Variants in RANBP9 observed in about 807,000 individuals in gnomAD.
RANBP9 encodes the protein ran-binding protein 9.
Under a neutral mutation model 84.3 loss-of-function variants are expected in RANBP9, and 15 were observed. The ratio of observed to expected loss-of-function variants is 0.18; its 90% CI spans 0.12 to 0.27. The LOEUF is 0.27. RANBP9 is among the 10% of genes least tolerant of loss of function. The pLI is 1.00. For missense variants in RANBP9, 809 were observed against 912.8 expected, an observed-to-expected ratio of 0.89 and a Z score of 1.46; for synonymous variants, 392 against 349.6, an observed-to-expected ratio of 1.12 and a Z score of -1.35.
intron 2 of RANBP9, among the ~76,000 whole-genome samples, chr6:13,662,308 A>G (rs1283494501): frequency 6.6e-6 from 1 of 152,278 alleles, no homozygotes; most frequent in Non-Finnish European, 1.5e-5. Context: ...TGGCCCTGAG[A>G]CAATCCAGAT....
intron 5 of RANBP9, among the ~76,000 whole-genome samples, chr6:13,649,481 A>AAG (rs1338963832): frequency 7.0e-6 from 1 of 142,106 alleles, no homozygotes; most frequent in Non-Finnish European, 1.5e-5. Flanking sequence ...AAAAAAAAAA[A>AAG]GTCACTAAAC....
intron 9 of RANBP9, among the ~76,000 whole-genome samples, chr6:13,638,793 G>A (rs575735800): frequency 1.3e-5 from 2 of 152,174 alleles, no homozygotes; most frequent in Admixed American, 1.3e-4. Context: ...GCCAACAAAC[G>A]GATGGGAGAA....
intron 4 of RANBP9, among the ~76,000 whole-genome samples, chr6:13,655,886 TG>T (rs1321540916): frequency 6.6e-6 from 1 of 152,158 alleles, no homozygotes; most frequent in Non-Finnish European, 1.5e-5. Flanking sequence ...GGAAACCAGG[TG>T]GCCACAACAA....
intron 11 of RANBP9, among the ~76,000 whole-genome samples, chr6:13,633,878 G>C (rs1764861495): frequency 6.6e-6 from 1 of 151,862 alleles, no homozygotes; most frequent in Non-Finnish European, 1.5e-5. Context: ...TACTACTTAA[G>C]TTGTCTACAA....
At chr6:13,627,645 A>C (rs992249224) in intron 12 of RANBP9, among the ~76,000 whole-genome samples, 4 of 151,790 alleles carry the variant, frequency 2.6e-5, no homozygotes, top group Non-Finnish European at 5.9e-5. Flanking sequence ...AAAAAAAAAA[A>C]AAAAAAAAAT....
Position 13,684,509 on chromosome 6 carries a change from T to A in RANBP9, c.683+12276A>T, listed in dbSNP as rs146497260. Among the ~76,000 whole-genome samples, 3 of 152,358 alleles carry A rather than the reference T, an allele frequency of 2.0e-5. No individual in the cohort carries two copies. In the East Asian group the frequency reaches 5.8e-4, roughly 29 times the overall value. ...CTAACCTATAGTTTCCCATTTTGCA[T>A]CAATCATACAATTCAACTTTCCTCT... On this transcript the variant is annotated intron_variant, in intron 2 of 13. Coordinates refer to ENST00000011619, the MANE Select transcript of RANBP9 (RefSeq NM_005493.3).
intron 11 of RANBP9, among the ~76,000 whole-genome samples, chr6:13,633,024 C>G (rs1418436423): frequency 6.6e-6 from 1 of 151,748 alleles, no homozygotes; most frequent in African/African-American, 2.4e-5. Context: ...AAAAATACCA[C>G]TTTGAAAAAA....
chr6:13,656,972 G>T, intron 4 of RANBP9, 137 bp downstream of exon 4: 1 of 791,122 alleles, frequency 1.3e-6, no homozygotes, highest in Non-Finnish European at 1.9e-6. Context: ...CTCAGCTTCT[G>T]TCTGGGAAAA....
At chr6:13,696,307 T>C (rs764044130) in intron 2 of RANBP9, among the ~76,000 whole-genome samples, 5 of 152,212 alleles carry the variant, frequency 3.3e-5, no homozygotes, top group Non-Finnish European at 7.3e-5. Context: ...GGAATTCTCA[T>C]TTGGAAATTT....
chr6:13,703,877 C>T (rs773931399), intron 1 of RANBP9, among the ~76,000 whole-genome samples: 9 of 152,164 alleles, frequency 5.9e-5, no homozygotes, highest in Non-Finnish European at 8.8e-5. Flanking sequence ...GAAGTCAGAT[C>T]ACAGGGCTGA....
chr6:13,634,793 G>A (rs1049889757), intron 10 of RANBP9, among the ~76,000 whole-genome samples: 3 of 152,142 alleles, frequency 2.0e-5, no homozygotes, highest in Admixed American at 2.0e-4. Flanking sequence ...AAAATGTAGT[G>A]GTTTTATGAC....
At chr6:13,632,290 G>T in intron 12 of RANBP9, 80 bp downstream of exon 12, 1 of 1,428,214 alleles carries the variant, frequency 7.0e-7, no homozygotes, top group Non-Finnish European at 9.5e-7. Flanking sequence ...AGAATTTCTG[G>T]TACACTGCTC....
At chr6:13,640,873 C>A (rs1002812145) in intron 8 of RANBP9, among the ~76,000 whole-genome samples, 3 of 152,022 alleles carry the variant, frequency 2.0e-5, no homozygotes, top group Non-Finnish European at 4.4e-5. Context: ...TATTTTACCA[C>A]AATTTTTTAA....
chr6:13,628,042 C>T (rs534213948), intron 12 of RANBP9, among the ~76,000 whole-genome samples: 3 of 152,222 alleles, frequency 2.0e-5, no homozygotes, highest in South Asian at 4.1e-4. Flanking sequence ...ATGACAACAA[C>T]GTATTGTGCA....
At chr6:13,688,901 C>T (rs1766258338) in intron 2 of RANBP9, among the ~76,000 whole-genome samples, 1 of 147,170 alleles carries the variant, frequency 6.8e-6, no homozygotes, top group Middle Eastern at 3.2e-3. Context: ...GCCTGTAATC[C>T]CAACACTTAG....
intron 12 of RANBP9, among the ~76,000 whole-genome samples, chr6:13,627,338 T>C (rs1216147963): frequency 6.6e-6 from 1 of 152,070 alleles, no homozygotes; most frequent in African/African-American, 2.4e-5. Flanking sequence ...AAACACATTA[T>C]TTTGTTTTTG....
rs555096825 is a variant in RANBP9 at position 13,659,232 on chromosome 6, A to C, written c.684-400T>G. 8.9e-5 allele frequency among the ~76,000 whole-genome samples: 13 copies of C among 146,750 alleles called. No individual in the cohort carries two copies. In the East Asian group the frequency reaches 2.6e-3, roughly 30 times the overall value. On this transcript the variant is annotated intron_variant, in intron 2 of 13. Transcript: ENST00000011619. ...TGTGTTTCCCAAGGGACACAGTACA[A>C]ATTTAGACCCCACACACACACACAT... is the stretch of plus-strand genomic sequence containing the variant.
intron 2 of RANBP9, among the ~76,000 whole-genome samples, chr6:13,689,929 T>A (rs534863286): frequency 6.6e-6 from 1 of 152,322 alleles, no homozygotes; most frequent in East Asian, 1.9e-4. Context: ...ACCAACAGTT[T>A]GGTCAACAAA....
chr6:13,697,119 T>C (rs908542973), intron 1 of RANBP9, among the ~76,000 whole-genome samples: 6 of 152,232 alleles, frequency 3.9e-5, no homozygotes, highest in South Asian at 2.1e-4. Context: ...TTTATTAAGA[T>C]TGCAGAATCC....
Sources: gnomAD v4.1 joint callset for allele counts (sites outside exome capture counted in the v4.1 genomes callset) on GRCh38, gnomAD v4.1.1 for gene constraint, MANE v1.5 for transcripts, NCBI Gene and HGNC (gene_info 2026-07-23, HGNC 2026-07-21) for gene names.